Variants in CNKSR3 observed in about 807,000 individuals in gnomAD.
The protein encoded by CNKSR3 is CNKSR family member 3.
A neutral mutation model predicts 67.7 loss-of-function variants in CNKSR3; 36 were observed. That is an observed-to-expected ratio of 0.53 (90% CI 0.41 to 0.70). The LOEUF (loss-of-function observed/expected upper bound fraction) is 0.70. Among genes scored for constraint, CNKSR3 ranks in the 30% least tolerant of loss-of-function variants. The probability of loss-of-function intolerance (pLI) is 0.00; values close to 1 mark genes in which losing one functional copy is unlikely to be tolerated. For missense variants in CNKSR3, 630 were observed against 695.2 expected (o/e 0.91, Z 1.05); for synonymous variants, 281 against 271.4 (o/e 1.04, Z -0.35).
At chr6:154,494,707 C>A (rs1330897485) in intron 1 of CNKSR3, among the ~76,000 whole-genome samples, 1 of 152,082 alleles carries the variant, frequency 6.6e-6, no homozygotes, top group Non-Finnish European at 1.5e-5. Context: ...CCTCTGCCAC[C>A]CTCTTCCTTC....
At position 154,455,704 on chromosome 6, in the gene CNKSR3, A is replaced by T. The variant is rs999371924; in HGVS notation, c.53-5446T>A. Reference sequence around the variant, plus strand: ...CCCAAAGTGCCAGGATTATAGGCATAAGCCAACATGCCTGGCCTGCTTTTA... The same window carrying T: ...CCCAAAGTGCCAGGATTATAGGCATTAGCCAACATGCCTGGCCTGCTTTTA... On this transcript the variant is annotated intron_variant, in intron 1 of 12. Transcript: ENST00000607772. Among the ~76,000 whole-genome samples the T allele has an allele frequency of 7.9e-5, 12 of 152,320 alleles. No homozygotes were observed. In the South Asian group the frequency reaches 2.3e-3, roughly 29 times the overall value.
At chr6:154,506,336 A>C (rs1418952412) in intron 1 of CNKSR3, among the ~76,000 whole-genome samples, 1 of 152,196 alleles carries the variant, frequency 6.6e-6, no homozygotes, top group Non-Finnish European at 1.5e-5. Flanking sequence ...TGAGGGAGGG[A>C]GGAAAGAGAA....
intron 1 of CNKSR3, among the ~76,000 whole-genome samples, chr6:154,504,827 T>G (rs1430064905): frequency 6.6e-6 from 1 of 151,504 alleles, no homozygotes; most frequent in Admixed American, 6.5e-5. Context: ...GGCAACAGAG[T>G]GAGACCCCAT....
chr6:154,495,363 T>TC, intron 1 of CNKSR3, among the ~76,000 whole-genome samples: 1 of 151,718 alleles, frequency 6.6e-6, no homozygotes, highest in East Asian at 1.9e-4. Context: ...ACACTTTTTT[T>TC]TTTTTTTTTT....
At chr6:154,428,381 G>A (rs540881366) in intron 6 of CNKSR3, among the ~76,000 whole-genome samples, 194 bp from the exon 7 acceptor site, 3 of 152,312 alleles carry the variant, frequency 2.0e-5, no homozygotes, top group Admixed American at 2.0e-4. Context: ...ACTGGTGAAA[G>A]AAATAAAACA....
At chr6:154,430,671 T>C in intron 5 of CNKSR3, 80 bp from the exon 6 acceptor site, 1 of 1,355,184 alleles carries the variant, frequency 7.4e-7, no homozygotes, top group African/African-American at 1.5e-5. Context: ...GAGAAATGCA[T>C]TTCACCTATA....
chr6:154,410,904 G>C (rs373776669), intron 11 of CNKSR3, 30 bp downstream of exon 11: 1 of 1,571,192 alleles, frequency 6.4e-7, no homozygotes, highest in Admixed American at 1.7e-5. Context: ...CAAGGCCAAC[G>C]GCAGAACAAA....
chr6:154,443,410 C>T (rs972223728), intron 2 of CNKSR3, among the ~76,000 whole-genome samples: 19 of 152,100 alleles, frequency 1.2e-4, no homozygotes, highest in African/African-American at 4.6e-4. Context: ...TACCTCCTCC[C>T]CCGGTGTGAC....
chr6:154,468,428 ACAC>A (rs1202206722), intron 1 of CNKSR3, among the ~76,000 whole-genome samples: 1 of 144,284 alleles, frequency 6.9e-6, no homozygotes, highest in Non-Finnish European at 1.5e-5. Context: ...ACACACACAC[ACAC>A]ACCATGACCA....
chr6:154,414,569 T>A lies in CNKSR3; in HGVS notation c.946-146A>T, dbSNP rs957786438. ...TTCATGTGTTTACAGATATTGGCAA[T>A]ATTTAACTTACATTCTTCTTTGAAA... On this transcript the variant is annotated intron_variant, in intron 9 of 12. Transcript: ENST00000607772. The A allele has an allele frequency of 9.8e-6, 8 of 816,972 alleles. No individual in the cohort carries two copies. The Middle Eastern group carries it at 6.9e-4, about 71-fold the overall frequency. The allele number at this position is 816,972 out of a possible 1,614,324, so 50.6% of individuals were successfully genotyped here.
intron 2 of CNKSR3, among the ~76,000 whole-genome samples, 178 bp from the exon 3 acceptor site, chr6:154,442,468 A>C (rs1296892036): frequency 6.6e-6 from 1 of 152,022 alleles, no homozygotes; most frequent in Admixed American, 6.6e-5. Context: ...TAAAAACACA[A>C]AAAATTAGCC....
intron 1 of CNKSR3, among the ~76,000 whole-genome samples, chr6:154,451,079 A>C (rs6924868): frequency 0.7 from 106,879 of 152,032 alleles, 37,925 homozygotes; most frequent in East Asian, 0.9. Flanking sequence ...AATACAGACT[A>C]TAAAGGAGAC....
chr6:154,459,285 G>T (rs1427332566), intron 1 of CNKSR3, among the ~76,000 whole-genome samples: 2 of 151,946 alleles, frequency 1.3e-5, no homozygotes, highest in East Asian at 3.9e-4. Flanking sequence ...GGAAGCAGGG[G>T]CCCTGTGAAA....
At chr6:154,410,805 T>C (rs1784893961) in intron 11 of CNKSR3, 129 bp downstream of exon 11, 2 of 707,832 alleles carry the variant, frequency 2.8e-6, no homozygotes, top group East Asian at 2.5e-5. Flanking sequence ...TAGAATTTCA[T>C]TGAGGTTTAT....
intron 1 of CNKSR3, among the ~76,000 whole-genome samples, chr6:154,499,117 G>A (rs1001594670): frequency 6.6e-6 from 1 of 152,158 alleles, no homozygotes; most frequent in Non-Finnish European, 1.5e-5. Flanking sequence ...CTAAGAGCCC[G>A]AGGGGATACC....
chr6:154,430,518 C>T lies in CNKSR3; in HGVS notation c.623G>A (p.Cys208Tyr). ...TTDPVMSQCA[C>Y]LEEVHLPNIK... is the part of the protein sequence containing the mutation. ...GTTTGGTAAGTGAACTTCCTCCAGA[C>T]ATGCACACTGGCTCATCACAGGATC... Residue 208 changes from cysteine (C) to tyrosine (Y), a missense_variant, in exon 6 of 13, where the codon TGT becomes TAT. Physicochemically the swap from Cys to Tyr is radical, Grantham distance 194. Transcript: ENST00000607772. The T allele has an allele frequency of 6.2e-7, 1 of 1,612,868 alleles. No individual in the cohort carries two copies. Among genetic ancestry groups the T allele is most frequent in the Non-Finnish European group, 8.5e-7 (1 of 1,179,498 alleles).
At chr6:154,426,991 C>T (rs1785269680) in intron 7 of CNKSR3, among the ~76,000 whole-genome samples, 1 of 152,106 alleles carries the variant, frequency 6.6e-6, no homozygotes, top group South Asian at 2.1e-4. Flanking sequence ...TCTTCCGCAC[C>T]ATCCCCAGCC....
intron 4 of CNKSR3, among the ~76,000 whole-genome samples, chr6:154,435,628 C>A (rs1785455182): frequency 6.6e-6 from 1 of 152,224 alleles, no homozygotes; most frequent in Admixed American, 6.5e-5. Context: ...GCAGGCATGA[C>A]TTCACATTGT....
intron 1 of CNKSR3, among the ~76,000 whole-genome samples, chr6:154,491,552 C>A (rs1045034438): frequency 1.3e-5 from 2 of 152,146 alleles, no homozygotes; most frequent in African/African-American, 2.4e-5. Flanking sequence ...ACAAGGAATT[C>A]TTCCAAGGTT....
Sources: gnomAD v4.1 joint callset for allele counts (sites outside exome capture counted in the v4.1 genomes callset) on GRCh38, gnomAD v4.1.1 for gene constraint, MANE v1.5 for transcripts, NCBI Gene and HGNC (gene_info 2026-07-23, HGNC 2026-07-21) for gene names.